Variants in MRTFB observed in about 807,000 individuals in gnomAD.
MRTFB encodes the protein myocardin related transcription factor B, also known as myocardin-related transcription factor B.
In MRTFB, 29 loss-of-function variants were observed where a neutral mutation model predicts 104.2. The observed-to-expected ratio is 0.28, with a 90% CI of 0.21 to 0.38. The LOEUF (loss-of-function observed/expected upper bound fraction) is 0.38, where lower values mean the gene tolerates loss of function less well. Among genes scored for constraint, MRTFB ranks in the 10% least tolerant of loss-of-function variants. The probability of loss-of-function intolerance (pLI) is 1.00; values close to 1 mark genes in which losing one functional copy is unlikely to be tolerated. For missense variants in MRTFB, 1,270 were observed against 1,341.6 expected, an observed-to-expected ratio of 0.95 and a Z score of 0.83; for synonymous variants, 535 against 519.5, an observed-to-expected ratio of 1.03 and a Z score of -0.41.
At chr16:14,121,671 A>T (rs1014772510) in intron 2 of MRTFB, among the ~76,000 whole-genome samples, 1 of 152,184 alleles carries the variant, frequency 6.6e-6, no homozygotes, top group Non-Finnish European at 1.5e-5. Flanking sequence ...TTCAAATTGG[A>T]AATGTCTTTA....
intron 8 of MRTFB, among the ~76,000 whole-genome samples, chr16:14,232,276 C>T (rs2035638600): frequency 6.6e-6 from 1 of 152,180 alleles, no homozygotes; most frequent in Admixed American, 6.5e-5. Flanking sequence ...ATGTTTTCCC[C>T]TCTGTGAACA....
chr16:14,118,734 TAC>T (rs201719727), intron 2 of MRTFB, among the ~76,000 whole-genome samples: 15 of 151,484 alleles, frequency 9.9e-5, no homozygotes, highest in Non-Finnish European at 8.8e-5. Context: ...CATATATATA[TAC>T]ACACATATAT....
At chr16:14,244,766 T>G (rs770684388) in intron 10 of MRTFB, among the ~76,000 whole-genome samples, 9 of 152,250 alleles carry the variant, frequency 5.9e-5, no homozygotes, top group Non-Finnish European at 1.3e-4. Flanking sequence ...TCTTACTGAT[T>G]TTAAAGACCT....
chr16:14,180,290 T>A lies in MRTFB; in HGVS notation c.155-29953T>A, dbSNP rs186860994. Among the ~76,000 whole-genome samples the A allele has an allele frequency of 8.7e-4, 132 of 152,330 alleles. No homozygotes were observed. The Middle Eastern group carries it at 0.014, about 16-fold the overall frequency. On this transcript the variant is annotated intron_variant, in intron 3 of 16. Transcript: ENST00000571589. ...TTACATTAATGATGTCTAGACATAT[T>A]TGTATCAATAAGGTGATGAAATGAC...
intron 3 of MRTFB, among the ~76,000 whole-genome samples, chr16:14,168,545 C>A (rs548711218): frequency 1.3e-5 from 2 of 152,290 alleles, no homozygotes; most frequent in South Asian, 4.2e-4. Context: ...TTTTGAGATT[C>A]ATTAATGTTG....
intron 3 of MRTFB, among the ~76,000 whole-genome samples, chr16:14,176,542 G>C (rs534107330): frequency 6.6e-6 from 1 of 152,290 alleles, no homozygotes; most frequent in South Asian, 2.1e-4. Flanking sequence ...GGAGAGAAGT[G>C]AATTTATTAT....
intron 14 of MRTFB, 76 bp from the exon 15 acceptor site, chr16:14,252,289 G>T: frequency 6.4e-7 from 1 of 1,558,188 alleles, no homozygotes; most frequent in Non-Finnish European, 8.7e-7. Context: ...ATAGAGAACA[G>T]CAGAGCCGAG....
chr16:14,110,927 C>T (rs990596370), intron 2 of MRTFB, among the ~76,000 whole-genome samples: 2 of 152,136 alleles, frequency 1.3e-5, no homozygotes, highest in Admixed American at 6.5e-5. Flanking sequence ...CCATCATGAG[C>T]ATTTTCTTGC....
intron 3 of MRTFB, among the ~76,000 whole-genome samples, chr16:14,205,499 C>T (rs1181730181): frequency 6.6e-6 from 1 of 152,050 alleles, no homozygotes; most frequent in Non-Finnish European, 1.5e-5. Context: ...TATATCTGTC[C>T]CCCTTTTTTG....
chr16:14,223,396 T>C (rs2041833364), intron 8 of MRTFB, among the ~76,000 whole-genome samples: 1 of 151,970 alleles, frequency 6.6e-6, no homozygotes, highest in Admixed American at 6.6e-5. Context: ...AACACACATA[T>C]CTGCCCTACT....
chr16:14,173,135 C>G (rs2039476221), intron 3 of MRTFB, among the ~76,000 whole-genome samples: 1 of 151,872 alleles, frequency 6.6e-6, no homozygotes, highest in African/African-American at 2.4e-5. Context: ...TTTGTTTTTT[C>G]TGGTTAGGCC....
At chr16:14,144,959 AAAAT>A (rs1246318558) in intron 3 of MRTFB, among the ~76,000 whole-genome samples, 1 of 145,270 alleles carries the variant, frequency 6.9e-6, no homozygotes, top group Admixed American at 6.8e-5. Context: ...AAAAAAAAAA[AAAAT>A]AAATAAATAT....
intron 2 of MRTFB, among the ~76,000 whole-genome samples, chr16:14,113,547 T>C (rs563680695): frequency 2.2e-4 from 33 of 152,194 alleles, no homozygotes; most frequent in Non-Finnish European, 3.5e-4. Context: ...TAGGATGTGA[T>C]TGTTATTGTG....
At chr16:14,169,490 T>G (rs1290472661) in intron 3 of MRTFB, among the ~76,000 whole-genome samples, 1 of 152,070 alleles carries the variant, frequency 6.6e-6, no homozygotes, top group Non-Finnish European at 1.5e-5. Context: ...AATTTTGGAG[T>G]TTTTTATATA....
rs532103562 is a variant in MRTFB, at chr16:14,220,372, A to G, written c.693+1374A>G. 1.4e-4 allele frequency among the ~76,000 whole-genome samples: 22 copies of G among 152,346 alleles called. No individual in the cohort carries two copies. In the East Asian group the frequency reaches 3.3e-3, roughly 23 times the overall value. The stretch of plus-strand genomic sequence containing the variant: ...GTTAGGATGTCAGACAGCAATTAGC[A>G]TGGCCTTAACTTTTAGTAATACAGA... On this transcript the variant is annotated intron_variant, in intron 8 of 16. Transcript: ENST00000571589.
intron 11 of MRTFB, among the ~76,000 whole-genome samples, chr16:14,245,958 AT>A (rs1197266967): frequency 6.6e-6 from 1 of 152,168 alleles, no homozygotes; most frequent in African/African-American, 2.4e-5. Flanking sequence ...AAGCAGGAAA[AT>A]GTAACAGTTA....
intron 3 of MRTFB, among the ~76,000 whole-genome samples, chr16:14,208,629 A>G (rs2041055061): frequency 6.6e-6 from 1 of 152,174 alleles, no homozygotes; most frequent in African/African-American, 2.4e-5. Context: ...CTTCTTGAAT[A>G]TGATTATCTT....
chr16:14,190,419 G>T lies in MRTFB; in HGVS notation c.155-19824G>T, dbSNP rs2151052831. Among the ~76,000 whole-genome samples, 5 of 152,278 alleles carry T rather than the reference G, an allele frequency of 3.3e-5. No individual in the cohort carries two copies. In the South Asian group the frequency reaches 1.0e-3, roughly 32 times the overall value. On this transcript the variant is annotated intron_variant, in intron 3 of 16. Coordinates refer to ENST00000571589, the MANE Select transcript of MRTFB (RefSeq NM_001308142.2). ...TGACAACTGAAGAGTTGATAATTAT[G>T]AATTTTCAGGAAAAATCAAATAAAT...
chr16:14,134,518 G>A (rs2037605344), intron 2 of MRTFB, among the ~76,000 whole-genome samples: 1 of 152,222 alleles, frequency 6.6e-6, no homozygotes, highest in Admixed American at 6.5e-5. Context: ...TGAAGCTCCT[G>A]TTAAGCACTA....
Sources: gnomAD v4.1 joint callset for allele counts (sites outside exome capture counted in the v4.1 genomes callset) on GRCh38, gnomAD v4.1.1 for gene constraint, MANE v1.5 for transcripts, NCBI Gene and HGNC (gene_info 2026-07-23, HGNC 2026-07-21) for gene names.